HCN1: variants seen among roughly 807,000 people sequenced by gnomAD.
HCN1 encodes potassium/sodium hyperpolarization-activated cyclic nucleotide-gated channel 1.
Under a neutral mutation model 78.9 loss-of-function variants are expected in HCN1, and 13 were observed. The ratio of observed to expected loss-of-function variants is 0.16; its 90% confidence interval spans 0.11 to 0.26. HCN1 has a LOEUF of 0.26. Among genes scored for constraint, HCN1 ranks in the 10% least tolerant of loss-of-function variants. The probability of loss-of-function intolerance (pLI) is 1.00; values close to 1 mark genes in which losing one functional copy is unlikely to be tolerated. For missense variants in HCN1, 810 were observed against 1,154.3 expected (o/e 0.70, Z 4.32); for synonymous variants, 552 against 455.5 (o/e 1.21, Z -2.70).
At chr5:45,277,866 A>G (rs1745095866) in intron 6 of HCN1, among the ~76,000 whole-genome samples, 1 of 152,140 alleles carries the variant, frequency 6.6e-6, no homozygotes, top group Non-Finnish European at 1.5e-5. Flanking sequence ...TAAAGTAAAG[A>G]ATGAATAGCT....
At chr5:45,437,869 G>A (rs1013999330) in intron 3 of HCN1, among the ~76,000 whole-genome samples, 6 of 152,210 alleles carry the variant, frequency 3.9e-5, no homozygotes, top group African/African-American at 9.6e-5. Context: ...TTCTGACAGA[G>A]TCAGTACAGA....
Position 45,336,852 on chromosome 5 carries a change from G to C in HCN1, c.1377+16248C>G, listed in dbSNP as rs572985929. On this transcript the variant is annotated intron_variant, in intron 5 of 7. Transcript: ENST00000303230. ...GCAGAAGGGATCAGAGATCACTCTG[G>C]GACTTCTTTTATAAAAGCACTGATC... Among the ~76,000 whole-genome samples, 349 of 151,918 alleles carry C rather than the reference G, an allele frequency of 2.3e-3. 1 individual carries two copies. Among genetic ancestry groups the C allele is most frequent in the African/African-American group, 8.2e-3 (339 of 41,466 alleles).
At chr5:45,302,756 T>A (rs531875053) in intron 6 of HCN1, among the ~76,000 whole-genome samples, 21 of 151,966 alleles carry the variant, frequency 1.4e-4, no homozygotes, top group African/African-American at 4.8e-4. Flanking sequence ...GGGGAGGTAA[T>A]TGAATCATGG....
chr5:45,534,437 A>AAAAAAAAAAAAT (rs1742923812), intron 2 of HCN1, among the ~76,000 whole-genome samples: 1 of 145,086 alleles, frequency 6.9e-6, no homozygotes, highest in Non-Finnish European at 1.5e-5. Context: ...AAAAAAAAAA[A>AAAAAAAAAAAAT]AAAAAAAATT....
intron 3 of HCN1, among the ~76,000 whole-genome samples, chr5:45,437,681 C>A (rs1048081375): frequency 6.6e-6 from 1 of 152,164 alleles, no homozygotes; most frequent in Non-Finnish European, 1.5e-5. Flanking sequence ...GGCTTGGAAG[C>A]TTCCTTGGCT....
At chr5:45,265,823 T>C (rs1744844580) in intron 7 of HCN1, among the ~76,000 whole-genome samples, 1 of 152,168 alleles carries the variant, frequency 6.6e-6, no homozygotes, top group South Asian at 2.1e-4. Flanking sequence ...GAATTAAACA[T>C]GAGCTCTACA....
At chr5:45,318,117 T>C (rs182878263) in intron 5 of HCN1, among the ~76,000 whole-genome samples, 1 of 152,266 alleles carries the variant, frequency 6.6e-6, no homozygotes, top group African/African-American at 2.4e-5. Flanking sequence ...CACGCACACT[T>C]ATGTTTATTG....
At chr5:45,469,541 ATTT>A (rs1741344980) in intron 2 of HCN1, among the ~76,000 whole-genome samples, 1 of 151,984 alleles carries the variant, frequency 6.6e-6, no homozygotes, top group African/African-American at 2.4e-5. Flanking sequence ...TTTGAACCTC[ATTT>A]TAATGATGTT....
intron 4 of HCN1, among the ~76,000 whole-genome samples, chr5:45,366,213 T>G (rs1043244241): frequency 4.6e-5 from 7 of 151,360 alleles, no homozygotes; most frequent in Non-Finnish European, 1.0e-4. Flanking sequence ...TTCTCTTCTT[T>G]GTATGTTATG....
Position 45,255,807 on chromosome 5 carries a change from A to G in HCN1, c.*6114T>C, listed in dbSNP as rs1744598744. 1 of 152,186 alleles carries G rather than the reference A, an allele frequency of 6.6e-6. No homozygotes were observed. The highest frequency in any genetic ancestry group is 1.5e-5 in the Non-Finnish European group (1 of 68,016). The allele number at this position is 152,186 out of a possible 1,614,324, so 9.4% of individuals were successfully genotyped here. A position where few individuals can be genotyped will look rare whatever the true frequency, so the allele number is the denominator to read the frequency against. ...TTCCTCACAAATTTAACAGGAAATA[A>G]AAACCTTTCAAGAAAGTCTCTTTGC... On this transcript the variant is annotated 3_prime_UTR_variant, in exon 8 of 8. Transcript: ENST00000303230.
intron 2 of HCN1, chr5:45,560,051 T>C (rs1418211230): frequency 6.6e-6 from 1 of 152,188 alleles, no homozygotes. Context: ...TTAGGGTAAT[T>C]ACATTGTTTT....
At chr5:45,682,134 G>A (rs1739712327) in intron 1 of HCN1, among the ~76,000 whole-genome samples, 1 of 151,782 alleles carries the variant, frequency 6.6e-6, no homozygotes, top group Non-Finnish European at 1.5e-5. Flanking sequence ...AAATCAACCA[G>A]CACCTTGATC....
At chr5:45,460,601 T>G (rs535505854) in intron 3 of HCN1, among the ~76,000 whole-genome samples, 88 of 152,102 alleles carry the variant, frequency 5.8e-4, no homozygotes, top group African/African-American at 2.0e-3. Context: ...GAGAGCTCTT[T>G]GTGATTTAGT....
At chr5:45,440,433 T>G (rs983464620) in intron 3 of HCN1, among the ~76,000 whole-genome samples, 1 of 152,204 alleles carries the variant, frequency 6.6e-6, no homozygotes, top group Non-Finnish European at 1.5e-5. Flanking sequence ...CATAGCTGCT[T>G]CTTCCTTCAT....
intron 4 of HCN1, among the ~76,000 whole-genome samples, chr5:45,376,008 A>T (rs1393591683): frequency 8.6e-6 from 1 of 116,778 alleles, no homozygotes; most frequent in African/African-American, 3.5e-5. Flanking sequence ...ATTTTATAAT[A>T]TTTTATCATA....
intron 5 of HCN1, among the ~76,000 whole-genome samples, chr5:45,304,187 A>T (rs538045005): frequency 6.6e-6 from 1 of 152,166 alleles, no homozygotes; most frequent in Non-Finnish European, 1.5e-5. Context: ...TCTTCCTTTT[A>T]TCTTTTATTT....
intron 7 of HCN1, among the ~76,000 whole-genome samples, chr5:45,266,323 C>T (rs571801357): frequency 6.6e-6 from 1 of 151,822 alleles, no homozygotes; most frequent in East Asian, 1.9e-4. Flanking sequence ...GTCTATATTA[C>T]AAACATTTTA....
chr5:45,568,495 A>G (rs1028497836), intron 2 of HCN1, among the ~76,000 whole-genome samples: 1 of 152,154 alleles, frequency 6.6e-6, no homozygotes, highest in African/African-American at 2.4e-5. Flanking sequence ...TAATGGGCAT[A>G]CTAACAGTGT....
At chr5:45,293,260 T>C (rs1170144054) in intron 6 of HCN1, among the ~76,000 whole-genome samples, 2 of 152,062 alleles carry the variant, frequency 1.3e-5, no homozygotes, top group South Asian at 2.1e-4. Flanking sequence ...CCAGTATCTA[T>C]AATTTTTTGA....
Sources: gnomAD v4.1 joint callset for allele counts (sites outside exome capture counted in the v4.1 genomes callset) on GRCh38, gnomAD v4.1.1 for gene constraint, MANE v1.5 for transcripts, NCBI Gene and HGNC (gene_info 2026-07-23, HGNC 2026-07-21) for gene names.